The following USP35 variants were observed in gnomAD, a reference collection of about 807,000 sequenced individuals.
USP35 encodes ubiquitin carboxyl-terminal hydrolase 35.
A neutral mutation model predicts 83.8 loss-of-function variants in USP35; 69 were observed. The ratio of observed to expected loss-of-function variants is 0.82; its 90% CI spans 0.68 to 1.01. The LOEUF is 1.01. USP35 is among the 50% of genes least tolerant of loss of function. USP35 has a pLI of 0.00. For missense variants in USP35, 1,503 were observed against 1,362.5 expected (o/e 1.10, Z -1.62); for synonymous variants, 714 against 589.5 (o/e 1.21, Z -3.06).
At chr11:78,197,635 A>G (rs1032589824) in intron 2 of USP35, among the ~76,000 whole-genome samples, 1 of 152,158 alleles carries the variant, frequency 6.6e-6, no homozygotes, top group African/African-American at 2.4e-5. Flanking sequence ...CAGTCCACGC[A>G]GCCCTCCCAC....
At chr11:78,222,088 C>G in the USP35 span, 9 of 1,548,698 alleles carry the variant, frequency 5.8e-6, no homozygotes, top group South Asian at 3.3e-5. Context: ...CTCCCACCCC[C>G]ACACATACGC....
intron 1 of USP35, among the ~76,000 whole-genome samples, chr11:78,192,221 C>T (rs2510034): frequency 3.9e-5 from 6 of 151,986 alleles, no homozygotes; most frequent in Non-Finnish European, 7.4e-5. Context: ...AGGCTCTCCT[C>T]GGGGAGGACA....
chr11:78,232,880 G>C, the USP35 span, among the ~76,000 whole-genome samples: 1 of 152,076 alleles, frequency 6.6e-6, no homozygotes, highest in African/African-American at 2.4e-5. Flanking sequence ...AATCTTACAG[G>C]ATTACTTTGG....
chr11:78,206,109 T>G, intron 7 of USP35, 74 bp downstream of exon 7: 1 of 1,510,654 alleles, frequency 6.6e-7, no homozygotes, highest in Non-Finnish European at 9.0e-7. Flanking sequence ...GGTGGAAAGG[T>G]GTCCGGGGTG....
At chr11:78,219,318 G>T (rs770369313), downstream of USP35, 1 of 1,613,842 alleles carries the variant, frequency 6.2e-7, no homozygotes, top group Non-Finnish European at 8.5e-7. Flanking sequence ...CCGCACGTCT[G>T]TCCACTCCTG....
the USP35 span, chr11:78,221,601 C>T: frequency 1.8e-5 from 15 of 812,088 alleles, no homozygotes; most frequent in Non-Finnish European, 2.7e-5. Flanking sequence ...GTTAGCTAAG[C>T]TGGGAAGTGG....
rs750011645 is a variant in USP35, at chr11:78,208,903, C to G, written c.1532C>G (p.Pro511Arg). 6.2e-7 allele frequency: 1 copy of G among 1,614,208 alleles called. No homozygotes were observed. The highest frequency in any genetic ancestry group is 8.5e-7 in the Non-Finnish European group (1 of 1,180,034). The change falls in exon 9 of 11, where the codon CCC becomes CGC. Residue 511 changes from proline (P) to arginine (R), a missense_variant. Physicochemically the swap from Pro to Arg is moderately radical, Grantham distance 103. Coordinates refer to ENST00000529308, the MANE Select transcript of USP35 (RefSeq NM_020798.4). Reference protein sequence around the residue: ...PENFLSASWTPWFSPGTQQDC... With the variant: ...PENFLSASWTRWFSPGTQQDC... ...AACTTCCTCTCCGCATCCTGGACGC[C>G]CTGGTTCAGCCCTGGCACCCAGCAG...
At position 78,189,053 on chromosome 11, in the gene USP35, T is replaced by TG; in HGVS notation, c.-109dup. 1 of 751,084 alleles carries TG rather than the reference T, an allele frequency of 1.3e-6. No homozygotes were observed. The allele number at this position is 751,084 out of a possible 1,614,324, so 46.5% of individuals were successfully genotyped here. A position where few individuals can be genotyped will look rare whatever the true frequency, so the allele number is the denominator to read the frequency against. ...GACCTGGCTGAGGGCGTCCCCACCC[T>TG]GGGGGGAGCAGAGGACCAGCCCTGA... On this transcript the variant is annotated 5_prime_UTR_variant, in exon 1 of 11. Transcript: ENST00000529308.
In USP35 at chr11:78,209,950, A is replaced by T; in HGVS notation, c.2095A>T (p.Ser699Cys). The change falls in exon 10 of 11, where the codon AGC (serine) becomes TGC (cysteine). Residue 699 changes from serine to cysteine, a missense_variant. By Grantham distance (112) the Ser-to-Cys change is moderately radical. Coordinates refer to ENST00000529308, the MANE Select transcript of USP35 (RefSeq NM_020798.4). ...EKEEVGEEEE[S>C]TRGEGEREKE... ...GGAAGAAGTGGGGGAGGAGGAGGAA[A>T]GCACCAGAGGGGAAGGAGAGAGGGA... is the stretch of plus-strand genomic sequence containing the variant. The T allele has an allele frequency of 6.2e-7, 1 of 1,609,702 alleles. No individual in the cohort carries two copies. The highest frequency in any genetic ancestry group is 1.1e-5 in the South Asian group (1 of 90,622).
the USP35 span, chr11:78,223,667 T>C: frequency 6.3e-7 from 1 of 1,597,130 alleles, no homozygotes; most frequent in Non-Finnish European, 8.5e-7. Flanking sequence ...CCCACAATCA[T>C]TTTCCCTGGC....
chr11:78,225,183 G>T, the USP35 span: 1 of 1,610,420 alleles, frequency 6.2e-7, no homozygotes, highest in Non-Finnish European at 8.5e-7. Flanking sequence ...GTGGGTACTC[G>T]TAGGTCTCAC....
At chr11:78,202,529 T>C (rs1299902958) in intron 6 of USP35, among the ~76,000 whole-genome samples, 1 of 152,126 alleles carries the variant, frequency 6.6e-6, no homozygotes, top group Non-Finnish European at 1.5e-5. Flanking sequence ...GCCATAAAGG[T>C]AAAGTTCTAC....
In USP35 at chr11:78,207,485, T is replaced by TG. The variant is rs754998924; in HGVS notation, c.1392-40dup. On this transcript the variant is annotated intron_variant, in intron 7 of 10. Transcript: ENST00000529308. ...GTGACATGGGTGACTAGAGACTCCT[T>TG]GGGGGCCCATGGCTTACCCTGGGTG... is the stretch of plus-strand genomic sequence containing the variant. The TG allele has an allele frequency of 3.1e-6, 5 of 1,598,760 alleles. No homozygotes were observed. In the African/African-American group the frequency reaches 6.7e-5, roughly 21 times the overall value.
chr11:78,198,111 C>T (rs1274852711), intron 3 of USP35, 43 bp downstream of exon 3: 2 of 1,611,304 alleles, frequency 1.2e-6, no homozygotes, highest in East Asian at 2.2e-5. Flanking sequence ...TGGGGCCCCT[C>T]CCTCTCTTCC....
At chr11:78,226,954 C>T in the USP35 span, 9 of 1,613,588 alleles carry the variant, frequency 5.6e-6, no homozygotes, top group Middle Eastern at 1.6e-4. Flanking sequence ...CCACTGATCC[C>T]GTTGACACAG....
chr11:78,196,593 G>T lies in USP35; in HGVS notation c.348G>T (p.Ala116=). ...TGCAGCTGCTGCCCGAGGGGCCTGCGGCCGACGAGGTGTTCGCGCTGCTGC... is the reference window on the plus strand; with the variant it reads ...TGCAGCTGCTGCCCGAGGGGCCTGCTGCCGACGAGGTGTTCGCGCTGCTGC... ...LGLQLLPEGP[A]ADEVFALLRR... is the part of the protein sequence containing the mutation. Residue 116 remains alanine (A), a synonymous_variant, in exon 2 of 11, where the codon GCG becomes GCT. Coordinates refer to ENST00000529308, the MANE Select transcript of USP35 (RefSeq NM_020798.4). This position sits in a 1 kb window ranked among gnomAD's most constrained non-coding sequence, Gnocchi z 4.8. 1 of 1,255,558 alleles carries T rather than the reference G, an allele frequency of 8.0e-7. No individual in the cohort carries two copies. The highest frequency in any genetic ancestry group is 1.6e-5 in the African/African-American group (1 of 61,998). The allele number at this position is 1,255,558 out of a possible 1,614,324, so 77.8% of individuals were successfully genotyped here. A position where few individuals can be genotyped will look rare whatever the true frequency, so the allele number is the denominator to read the frequency against.
rs1234998383 is a variant in USP35, at chr11:78,205,748, G to A, written c.1198-94G>A. On this transcript the variant is annotated intron_variant, in intron 6 of 10. Coordinates refer to ENST00000529308, the MANE Select transcript of USP35 (RefSeq NM_020798.4). ...GGTGTGCCTGGGAGGCCTTGGGGTTGGCTGTATCTGAGAAGGCCTCCCAGA... is the reference window on the plus strand; with the variant it reads ...GGTGTGCCTGGGAGGCCTTGGGGTTAGCTGTATCTGAGAAGGCCTCCCAGA... 15 of 1,399,346 alleles carry A rather than the reference G, an allele frequency of 1.1e-5. No homozygotes were observed. The East Asian group carries it at 3.0e-4, about 28-fold the overall frequency. The allele number at this position is 1,399,346 out of a possible 1,614,324, so 86.7% of individuals were successfully genotyped here. A position where few individuals can be genotyped will look rare whatever the true frequency, so the allele number is the denominator to read the frequency against.
rs1298431831 is a variant in USP35, at chr11:78,196,662, G to C, written c.417G>C (p.Ala139=). ...CCGTGTGCGAGCGCCCGGGCCCCGC[G>C]GCCTGCGCGCAGGTGGCACGGCTGC... The part of the protein sequence containing the change: ...LRTVCERPGP[A]ACAQVARLLA... The change falls in exon 2 of 11, where the codon GCG becomes GCC. Residue 139 remains alanine, a synonymous_variant. Coordinates refer to ENST00000529308, the MANE Select transcript of USP35 (RefSeq NM_020798.4). This position sits in a 1 kb window ranked among gnomAD's most constrained non-coding sequence, Gnocchi z 4.8. 1.4e-6 allele frequency: 2 copies of C among 1,419,834 alleles called. No individual in the cohort carries two copies. The highest frequency in any genetic ancestry group is 6.3e-5 in the Admixed American group (2 of 31,508). 88.0% of individuals were successfully genotyped at this position (1,419,834 alleles called of 1,614,324 possible). A position where few individuals can be genotyped will look rare whatever the true frequency, so the allele number is the denominator to read the frequency against.
chr11:78,203,089 G>C (rs969147143), intron 6 of USP35, among the ~76,000 whole-genome samples: 5 of 152,178 alleles, frequency 3.3e-5, no homozygotes, highest in African/African-American at 1.2e-4. Context: ...TGGATTGTCT[G>C]ATCAGGGGAT....
Sources: gnomAD v4.1 joint callset for allele counts (sites outside exome capture counted in the v4.1 genomes callset) on GRCh38, gnomAD v4.1.1 for gene constraint, Gnocchi (gnomAD v3.1) non-coding constraint, MANE v1.5 for transcripts, NCBI Gene and HGNC (gene_info 2026-07-23, HGNC 2026-07-21) for gene names.